The following HS2ST1 variants were observed in gnomAD, a reference collection of about 807,000 sequenced individuals.
HS2ST1 encodes the protein 2-O-sulfotransferase.
Under a neutral mutation model 42.9 loss-of-function variants are expected in HS2ST1, and 18 were observed. The ratio of observed to expected loss-of-function variants is 0.42; its 90% CI spans 0.29 to 0.62. The LOEUF is 0.62. Ranked by LOEUF, HS2ST1 falls within the 20% of genes least tolerant of loss-of-function variation. The pLI is 0.21. For missense variants in HS2ST1, 334 were observed against 433.8 expected, an observed-to-expected ratio of 0.77 and a Z score of 2.04; for synonymous variants, 146 against 152.9, an observed-to-expected ratio of 0.95 and a Z score of 0.33.
chr1:86,952,631 T>C (rs1647557961), intron 1 of HS2ST1, among the ~76,000 whole-genome samples: 1 of 152,258 alleles, frequency 6.6e-6, no homozygotes, highest in Non-Finnish European at 1.5e-5. Flanking sequence ...TTTAATCTCA[T>C]TGTATTCTCC....
chr1:87,065,058 A>T (rs964147629), intron 1 of HS2ST1, among the ~76,000 whole-genome samples: 5 of 152,200 alleles, frequency 3.3e-5, no homozygotes, highest in Non-Finnish European at 7.3e-5. Context: ...TTCCATGAGG[A>T]TCAGATGGTG....
At chr1:87,056,719 T>C (rs78776418) in intron 1 of HS2ST1, among the ~76,000 whole-genome samples, 3,611 of 152,326 alleles carry the variant, frequency 0.024, 67 homozygotes, top group Middle Eastern at 0.048. Flanking sequence ...ATAATTTTTA[T>C]TATACAATTC....
chr1:86,978,886 A>G lies in HS2ST1; in HGVS notation c.124+63726A>G, dbSNP rs550189136. ...CTTTTTTTTTTTTTTTTTTTTTGAG[A>G]CAGGCCCTCACTTTGTCACCCAGGC... On this transcript the variant is annotated intron_variant, in intron 1 of 6. Transcript: ENST00000370550. Among the ~76,000 whole-genome samples the G allele has an allele frequency of 7.8e-3, 250 of 32,006 alleles. 1 individual carries two copies. Among genetic ancestry groups the G allele is most frequent in the Non-Finnish European group, 0.015 (217 of 14,170 alleles). The allele number at this position is 32,006 out of a possible 152,430, so 21.0% of individuals were successfully genotyped here. A position where few individuals can be genotyped will look rare whatever the true frequency, so the allele number is the denominator to read the frequency against.
chr1:87,103,131 A>G lies in HS2ST1; in HGVS notation c.687-301A>G, dbSNP rs79100133. On this transcript the variant is annotated intron_variant, in intron 5 of 6. Coordinates refer to ENST00000370550, the MANE Select transcript of HS2ST1 (RefSeq NM_012262.4). Reference sequence around the variant, plus strand: ...AAAGTTAAAACACACACTAAATCATATGGGAGGGGTGTATGTTTCTTATAT... The same window carrying G: ...AAAGTTAAAACACACACTAAATCATGTGGGAGGGGTGTATGTTTCTTATAT... 2.7e-3 allele frequency among the ~76,000 whole-genome samples: 405 copies of G among 152,352 alleles called. 8 individuals carry two copies. In the East Asian group the frequency reaches 0.07, roughly 26 times the overall value.
At position 86,914,797 on chromosome 1, in the gene HS2ST1, C is replaced by CT; in HGVS notation, c.-236dup. Reference sequence around the variant, plus strand: ...CGCTTCGCGCTGTTTGCTGCGCGGGCTTTTGGAGGGGGCGGCCGTTTAGTC... The same window carrying CT: ...CGCTTCGCGCTGTTTGCTGCGCGGGCTTTTTGGAGGGGGCGGCCGTTTAGTC... On this transcript the variant is annotated 5_prime_UTR_variant, in exon 1 of 7. Coordinates refer to ENST00000370550, the MANE Select transcript of HS2ST1 (RefSeq NM_012262.4). 1 of 548,298 alleles carries CT rather than the reference C, an allele frequency of 1.8e-6. No homozygotes were observed. Among genetic ancestry groups the CT allele is most frequent in the Non-Finnish European group, 3.2e-6 (1 of 311,034 alleles). 34.0% of individuals were successfully genotyped at this position (548,298 alleles called of 1,614,324 possible).
intron 1 of HS2ST1, among the ~76,000 whole-genome samples, chr1:86,988,611 C>T (rs1037293270): frequency 2.0e-5 from 3 of 152,194 alleles, no homozygotes; most frequent in Non-Finnish European, 4.4e-5. Context: ...TCCTCCTCCT[C>T]AATACATTTA....
Position 87,103,525 on chromosome 1 carries a change from T to G in HS2ST1, c.780T>G (p.Phe260Leu). Residue 260 changes from phenylalanine to leucine, a missense_variant, in exon 6 of 7, where the codon TTT becomes TTG. Phe to Leu is a conservative substitution (Grantham distance 22, BLOSUM62 0). Transcript: ENST00000370550. The part of the protein sequence containing the change: ...LVGVTEELED[F>L]IMLLEAALPR... ...GAGTTACTGAAGAACTTGAAGATTTTATCATGTTATTGGAGGCAGCATTGC... is the reference window on the plus strand; with the variant it reads ...GAGTTACTGAAGAACTTGAAGATTTGATCATGTTATTGGAGGCAGCATTGC... 6.2e-7 allele frequency: 1 copy of G among 1,612,724 alleles called. No homozygotes were observed. The highest frequency in any genetic ancestry group is 8.5e-7 in the Non-Finnish European group (1 of 1,179,366).
At chr1:87,067,344 A>T (rs190574058) in intron 1 of HS2ST1, among the ~76,000 whole-genome samples, 1 of 151,950 alleles carries the variant, frequency 6.6e-6, no homozygotes. Flanking sequence ...TTTTTTTCAT[A>T]TATTTGTTGG....
intron 1 of HS2ST1, among the ~76,000 whole-genome samples, chr1:86,918,986 A>T (rs547363417): frequency 4.9e-4 from 69 of 141,900 alleles, no homozygotes; most frequent in Admixed American, 1.0e-3. Context: ...TTATTTATTT[A>T]TTTATTTTTT....
At chr1:87,001,163 G>T (rs769901064) in intron 1 of HS2ST1, among the ~76,000 whole-genome samples, 1 of 152,164 alleles carries the variant, frequency 6.6e-6, no homozygotes, top group African/African-American at 2.4e-5. Flanking sequence ...CCAAAATGTT[G>T]TGTGGAGATA....
intron 1 of HS2ST1, among the ~76,000 whole-genome samples, chr1:86,958,922 G>T (rs1034463624): frequency 6.6e-6 from 1 of 152,146 alleles, no homozygotes; most frequent in Admixed American, 6.6e-5. Flanking sequence ...GGTATGCAAG[G>T]CTGGTTCAAC....
intron 1 of HS2ST1, among the ~76,000 whole-genome samples, chr1:86,977,144 A>C (rs1448809237): frequency 2.0e-5 from 3 of 152,146 alleles, no homozygotes; most frequent in African/African-American, 7.2e-5. Context: ...GATTACATTA[A>C]ATTTCTTAAA....
chr1:87,060,426 T>A (rs2100622462), intron 1 of HS2ST1, among the ~76,000 whole-genome samples: 1 of 152,254 alleles, frequency 6.6e-6, no homozygotes, highest in East Asian at 1.9e-4. Context: ...TCTCAGACAA[T>A]CAGTATAATG....
At chr1:87,002,744 G>C (rs554069053) in intron 1 of HS2ST1, among the ~76,000 whole-genome samples, 4 of 150,864 alleles carry the variant, frequency 2.7e-5, no homozygotes, top group Admixed American at 2.6e-4. Context: ...TTTCCCCCCC[G>C]CTGACTACCT....
chr1:87,036,939 A>G (rs1343983556), intron 1 of HS2ST1, among the ~76,000 whole-genome samples: 1 of 152,194 alleles, frequency 6.6e-6, no homozygotes, highest in Non-Finnish European at 1.5e-5. Context: ...TAAGCTCCAA[A>G]TATCTGGAAC....
intron 1 of HS2ST1, among the ~76,000 whole-genome samples, chr1:86,939,062 A>G (rs1458798536): frequency 6.6e-6 from 1 of 152,206 alleles, no homozygotes; most frequent in South Asian, 2.1e-4. Context: ...AATAAATTCA[A>G]TTTAAATTTC....
At chr1:87,029,901 G>A (rs1027584948) in intron 1 of HS2ST1, among the ~76,000 whole-genome samples, 3 of 152,220 alleles carry the variant, frequency 2.0e-5, no homozygotes, top group Admixed American at 6.5e-5. Context: ...GTAGAATTGA[G>A]TATGACTCTA....
intron 1 of HS2ST1, among the ~76,000 whole-genome samples, chr1:86,964,115 T>C (rs916805684): frequency 7.9e-5 from 11 of 139,458 alleles, no homozygotes; most frequent in Admixed American, 6.4e-4. Context: ...TCTCAGACGA[T>C]GGGCAGCCGG....
At chr1:86,962,184 C>G (rs1557495057) in intron 1 of HS2ST1, among the ~76,000 whole-genome samples, 1 of 152,086 alleles carries the variant, frequency 6.6e-6, no homozygotes, top group Admixed American at 6.5e-5. Flanking sequence ...TAAATATTGA[C>G]AGACACAAAG....
Sources: allele counts gnomAD v4.1 joint callset (sites outside exome capture counted in the v4.1 genomes callset), GRCh38; gene constraint gnomAD v4.1.1; transcripts MANE v1.5; gene names NCBI Gene and HGNC (gene_info 2026-07-23, HGNC 2026-07-21).